KCNIP4: variants seen among roughly 807,000 people sequenced by gnomAD.
The protein encoded by KCNIP4 is potassium voltage-gated channel interacting protein 4.
In KCNIP4, 12 loss-of-function variants were observed where a neutral mutation model predicts 34.0. That is an observed-to-expected ratio of 0.35 (90% CI 0.23 to 0.57). The LOEUF (loss-of-function observed/expected upper bound fraction) is 0.57. KCNIP4 is among the 20% of genes least tolerant of loss of function. The pLI is 0.83. For synonymous variants in KCNIP4, 124 were observed against 102.2 expected, an observed-to-expected ratio of 1.21 and a Z score of -1.29; for missense variants, 238 against 311.7, an observed-to-expected ratio of 0.76 and a Z score of 1.78.
chr4:21,288,405 A>G (rs1224486567), intron 1 of KCNIP4, among the ~76,000 whole-genome samples: 1 of 152,186 alleles, frequency 6.6e-6, no homozygotes, highest in Non-Finnish European at 1.5e-5. Flanking sequence ...TATCATTATT[A>G]CAGAACAAAA....
At chr4:20,954,136 C>G (rs1733064230) in intron 1 of KCNIP4, among the ~76,000 whole-genome samples, 3 of 152,108 alleles carry the variant, frequency 2.0e-5, no homozygotes, top group Admixed American at 2.0e-4. Flanking sequence ...CAAGTGAACA[C>G]AAGAGCTCAT....
At chr4:21,851,329 A>G (rs1724377107) in intron 1 of KCNIP4, 1 of 152,122 alleles carries the variant, frequency 6.6e-6, no homozygotes, top group Non-Finnish European at 1.5e-5. Flanking sequence ...GAGCTAAATA[A>G]TGTATACAGG....
intron 1 of KCNIP4, among the ~76,000 whole-genome samples, chr4:20,921,753 A>C (rs1397593102): frequency 1.3e-5 from 2 of 152,208 alleles, no homozygotes; most frequent in Non-Finnish European, 2.9e-5. Flanking sequence ...AGAACATTTT[A>C]TCCTTTTGAA....
intron 1 of KCNIP4, among the ~76,000 whole-genome samples, chr4:21,422,632 T>G (rs1725575453): frequency 6.6e-6 from 1 of 150,606 alleles, no homozygotes; most frequent in Non-Finnish European, 1.5e-5. Flanking sequence ...TTGAAGTAGT[T>G]GGGGGAAACA....
intron 2 of KCNIP4, among the ~76,000 whole-genome samples, chr4:20,863,286 C>A (rs10021030): frequency 2.0e-5 from 3 of 151,292 alleles, no homozygotes; most frequent in African/African-American, 4.9e-5. Flanking sequence ...GCTCATAGTG[C>A]GGTTTTCTTG....
intron 1 of KCNIP4, among the ~76,000 whole-genome samples, chr4:21,150,550 T>A (rs557970420): frequency 1.4e-3 from 210 of 152,300 alleles, no homozygotes; most frequent in Non-Finnish European, 1.9e-3. Context: ...GTTGGGTGAT[T>A]ATGTGTGTGT....
rs1350419753 is a variant in KCNIP4 at position 20,837,686 on chromosome 4, A to ATATTTTTT, written c.288+12856_288+12857insAAAAAATA. Among the ~76,000 whole-genome samples, 534 of 117,360 alleles carry ATATTTTTT rather than the reference A, an allele frequency of 4.6e-3. 7 individuals are homozygous for ATATTTTTT. Among genetic ancestry groups the ATATTTTTT allele is most frequent in the African/African-American group, 0.017 (518 of 29,844 alleles). The allele number at this position is 117,360 out of a possible 152,430, so 77.0% of individuals were successfully genotyped here. On this transcript the variant is annotated intron_variant, in intron 3 of 8. Coordinates refer to ENST00000382152, the MANE Select transcript of KCNIP4 (RefSeq NM_025221.6). ...GCTATATATATATATATATATATAT[A>ATATTTTTT]TTTTTTTTTCCTTGGAGATGGAGTC...
chr4:21,697,378 G>A, intron 1 of KCNIP4: 1 of 1,531,474 alleles, frequency 6.5e-7, no homozygotes, highest in Non-Finnish European at 8.7e-7. Flanking sequence ...TTAATAGTCT[G>A]AGAAGGTACT....
intron 3 of KCNIP4, among the ~76,000 whole-genome samples, chr4:20,849,728 G>C (rs1720798582): frequency 6.6e-6 from 1 of 152,140 alleles, no homozygotes; most frequent in South Asian, 2.1e-4. Flanking sequence ...TATATGTTGG[G>C]ATGTGTATGC....
intron 1 of KCNIP4, among the ~76,000 whole-genome samples, chr4:21,401,147 A>G (rs746250120): frequency 4.6e-5 from 7 of 152,042 alleles, no homozygotes; most frequent in African/African-American, 1.7e-4. Context: ...AAAGAAATCA[A>G]TGAGGTTGAC....
intron 1 of KCNIP4, among the ~76,000 whole-genome samples, chr4:21,237,234 G>T (rs1400211537): frequency 6.6e-6 from 1 of 152,092 alleles, no homozygotes; most frequent in Admixed American, 6.6e-5. Context: ...ATGTGCTAAG[G>T]TGCTGGAGAT....
At chr4:21,856,050 A>T (rs1271143243) in intron 1 of KCNIP4, among the ~76,000 whole-genome samples, 1 of 152,252 alleles carries the variant, frequency 6.6e-6, no homozygotes, top group Non-Finnish European at 1.5e-5. Flanking sequence ...GGAGCTGACT[A>T]GTAGCTGCCT....
intron 1 of KCNIP4, among the ~76,000 whole-genome samples, chr4:21,482,527 C>T (rs1198482293): frequency 1.3e-5 from 2 of 152,252 alleles, no homozygotes; most frequent in African/African-American, 2.4e-5. Flanking sequence ...ACTCTCTCAG[C>T]ATTTGCTTGT....
chr4:21,714,781 CTTTGA>C (rs1560655253), intron 1 of KCNIP4, among the ~76,000 whole-genome samples: 1 of 47,346 alleles, frequency 2.1e-5, no homozygotes, highest in African/African-American at 1.7e-4. Flanking sequence ...AGTAATTTCC[CTTTGA>C]TTATTTTATT....
At chr4:20,820,631 C>G (rs1460518591) in intron 3 of KCNIP4, among the ~76,000 whole-genome samples, 1 of 152,130 alleles carries the variant, frequency 6.6e-6, no homozygotes, top group Admixed American at 6.6e-5. Context: ...AGATGCAATT[C>G]AGCAAGACAA....
intron 3 of KCNIP4, among the ~76,000 whole-genome samples, chr4:20,800,421 G>A (rs1714079275): frequency 6.6e-6 from 1 of 152,218 alleles, no homozygotes; most frequent in African/African-American, 2.4e-5. Context: ...TAATTCTCCA[G>A]TAACTGACCC....
At chr4:21,132,853 C>CAAAA (rs71189683) in intron 1 of KCNIP4, among the ~76,000 whole-genome samples, 11 of 116,684 alleles carry the variant, frequency 9.4e-5, no homozygotes, top group East Asian at 2.9e-4. Flanking sequence ...TACTAAACGA[C>CAAAA]AAAAAAAAAA....
At chr4:21,687,363 C>G (rs1481464284) in intron 1 of KCNIP4, among the ~76,000 whole-genome samples, 1 of 150,544 alleles carries the variant, frequency 6.6e-6, no homozygotes, top group Non-Finnish European at 1.5e-5. Flanking sequence ...ATTCTACCAA[C>G]CTGGGAAAAG....
intron 1 of KCNIP4, among the ~76,000 whole-genome samples, chr4:21,520,308 C>T (rs1735415722): frequency 6.6e-6 from 1 of 152,106 alleles, no homozygotes; most frequent in Non-Finnish European, 1.5e-5. Context: ...CTCACCAGAA[C>T]CAGCCATACT....
Sources: gnomAD v4.1 joint callset for allele counts (sites outside exome capture counted in the v4.1 genomes callset) on GRCh38, gnomAD v4.1.1 for gene constraint, MANE v1.5 for transcripts, NCBI Gene and HGNC (gene_info 2026-07-23, HGNC 2026-07-21) for gene names.